Variants in CDH4 observed in about 807,000 individuals in gnomAD.
CDH4 encodes the protein cadherin 4, also known as cadherin-4.
CDH4 carries 33 observed loss-of-function variants against 86.0 expected under a neutral mutation model. The observed-to-expected ratio is 0.38, with a 90% confidence interval of 0.29 to 0.51. The LOEUF is 0.51. Among genes scored for constraint, CDH4 ranks in the 20% least tolerant of loss-of-function variants. The pLI is 0.86. For synonymous variants in CDH4, 555 were observed against 549.4 expected (o/e 1.01, Z -0.14); for missense variants, 1,114 against 1,307.4 (o/e 0.85, Z 2.28).
At chr20:61,672,151 G>A (rs1323239209) in intron 2 of CDH4, among the ~76,000 whole-genome samples, 1 of 151,738 alleles carries the variant, frequency 6.6e-6, no homozygotes, top group African/African-American at 2.4e-5. Flanking sequence ...TCATATGGGT[G>A]GATGGGTTGA....
intron 2 of CDH4, among the ~76,000 whole-genome samples, chr20:61,725,263 C>T (rs893981896): frequency 6.6e-6 from 1 of 152,208 alleles, no homozygotes; most frequent in Non-Finnish European, 1.5e-5. Flanking sequence ...CACACCGCAG[C>T]GTAGGAAGGG....
At chr20:61,258,960 A>T (rs2084115492) in intron 2 of CDH4, among the ~76,000 whole-genome samples, 1 of 152,218 alleles carries the variant, frequency 6.6e-6, no homozygotes, top group South Asian at 2.1e-4. Context: ...GGGGTGGAGC[A>T]CTGGGAATGC....
At chr20:61,636,085 C>A (rs766446512) in intron 2 of CDH4, among the ~76,000 whole-genome samples, 2 of 152,204 alleles carry the variant, frequency 1.3e-5, no homozygotes, top group Non-Finnish European at 2.9e-5. Flanking sequence ...GCGTGGGGGT[C>A]CACCGTGGGT....
At chr20:61,381,365 T>A (rs2084899962) in intron 2 of CDH4, among the ~76,000 whole-genome samples, 1 of 152,348 alleles carries the variant, frequency 6.6e-6, no homozygotes, top group South Asian at 2.1e-4. Context: ...CAGAAAATCA[T>A]AGACAGCTGT....
At chr20:61,495,141 G>A (rs956619411) in intron 2 of CDH4, among the ~76,000 whole-genome samples, 16 of 152,248 alleles carry the variant, frequency 1.1e-4, no homozygotes, top group African/African-American at 3.6e-4. Flanking sequence ...GATGCTATTT[G>A]TTGAGGTATG....
intron 7 of CDH4, among the ~76,000 whole-genome samples, chr20:61,882,070 G>A (rs1049627837): frequency 3.3e-5 from 5 of 152,194 alleles, no homozygotes; most frequent in South Asian, 2.1e-4. Flanking sequence ...GGATGGAGCC[G>A]GACCCTGCCC....
At chr20:61,756,002 G>A (rs1030357878) in intron 3 of CDH4, among the ~76,000 whole-genome samples, 3 of 152,174 alleles carry the variant, frequency 2.0e-5, no homozygotes, top group Non-Finnish European at 4.4e-5. Flanking sequence ...TGTTCACCAC[G>A]CCCAGCCCGT....
At position 61,424,614 on chromosome 20, in the gene CDH4, C is replaced by T. The variant is rs1409478809; in HGVS notation, c.169+169677C>T. On this transcript the variant is annotated intron_variant, in intron 2 of 15. Coordinates refer to ENST00000614565, the MANE Select transcript of CDH4 (RefSeq NM_001794.5). ...TCTCCTCCTGGGTCTCTATAGAGGC[C>T]ACTCCTAGGCCAGGGATGTCCCCTG... Among the ~76,000 whole-genome samples the T allele has an allele frequency of 2.0e-5, 3 of 152,212 alleles. No individual in the cohort carries two copies. In the East Asian group the frequency reaches 5.8e-4, roughly 29 times the overall value.
intron 11 of CDH4, among the ~76,000 whole-genome samples, chr20:61,925,765 C>T (rs1189925901): frequency 6.6e-6 from 1 of 152,210 alleles, no homozygotes; most frequent in African/African-American, 2.4e-5. Flanking sequence ...CTGGGGCATC[C>T]TGACTGTGCC....
intron 4 of CDH4, among the ~76,000 whole-genome samples, chr20:61,802,809 C>G (rs1979901503): frequency 1.3e-5 from 2 of 152,206 alleles, no homozygotes; most frequent in African/African-American, 4.8e-5. Context: ...CACCACGGGG[C>G]CCTGTCTGTG....
chr20:61,819,700 C>G (rs1287873249), intron 4 of CDH4, among the ~76,000 whole-genome samples: 1 of 152,232 alleles, frequency 6.6e-6, no homozygotes, highest in Non-Finnish European at 1.5e-5. Context: ...CTCTAAGCCC[C>G]CTGCCAGGCT....
rs935276581 is a variant in CDH4 at position 61,533,976 on chromosome 20, A to T, written c.170-209587A>T. On this transcript the variant is annotated intron_variant, in intron 2 of 15. Coordinates refer to ENST00000614565, the MANE Select transcript of CDH4 (RefSeq NM_001794.5). Reference sequence around the variant, plus strand: ...GCCATTGCTTTTGCTTTCAGACAGGAATCCCCACCTCCTGTTTAGAGAGAT... The same window carrying T: ...GCCATTGCTTTTGCTTTCAGACAGGTATCCCCACCTCCTGTTTAGAGAGAT... Among the ~76,000 whole-genome samples, 5 of 147,840 alleles carry T rather than the reference A, an allele frequency of 3.4e-5. No homozygotes were observed. In the Admixed American group the frequency reaches 3.4e-4, roughly 10 times the overall value.
Position 61,939,605 on chromosome 20 carries a change from C to A in CDH4, c.*2662C>A, listed in dbSNP as rs1473819130. 1.3e-5 allele frequency: 2 copies of A among 152,322 alleles called. No individual in the cohort carries two copies. Among genetic ancestry groups the A allele is most frequent in the Non-Finnish European group, 2.9e-5 (2 of 68,070 alleles). The allele number at this position is 152,322 out of a possible 1,614,324, so 9.4% of individuals were successfully genotyped here. ...CTTGAGTTAGCGTTAGCTAAGCATA[C>A]AATCAGTGTCGAACGTCTCTCTTCC... On this transcript the variant is annotated 3_prime_UTR_variant, in exon 16 of 16. Coordinates refer to ENST00000614565, the MANE Select transcript of CDH4 (RefSeq NM_001794.5).
intron 2 of CDH4, among the ~76,000 whole-genome samples, chr20:61,301,720 G>A (rs899767618): frequency 6.6e-6 from 1 of 152,180 alleles, no homozygotes; most frequent in African/African-American, 2.4e-5. Context: ...TCAGGCAGTG[G>A]GGAGACAGGA....
chr20:61,477,629 G>A (rs1046390591), intron 2 of CDH4, among the ~76,000 whole-genome samples: 14 of 152,184 alleles, frequency 9.2e-5, no homozygotes, highest in Admixed American at 6.5e-4. Flanking sequence ...TGCATCCTGC[G>A]GTTGACACAC....
intron 2 of CDH4, among the ~76,000 whole-genome samples, chr20:61,481,471 T>C (rs1326281011): frequency 6.6e-6 from 1 of 152,232 alleles, no homozygotes; most frequent in Non-Finnish European, 1.5e-5. Context: ...AGGCTTTATT[T>C]CTGTTGTCAA....
chr20:61,739,755 G>T (rs1366795701), intron 2 of CDH4, among the ~76,000 whole-genome samples: 1 of 152,254 alleles, frequency 6.6e-6, no homozygotes, highest in Non-Finnish European at 1.5e-5. Context: ...CAGAGCCAAG[G>T]TTCAGGCAGA....
intron 2 of CDH4, among the ~76,000 whole-genome samples, chr20:61,698,130 G>A (rs945286844): frequency 6.6e-6 from 1 of 152,202 alleles, no homozygotes; most frequent in South Asian, 2.1e-4. Context: ...GACCTGGCAC[G>A]TGTCGTCCAC....
intron 2 of CDH4, among the ~76,000 whole-genome samples, chr20:61,382,933 G>T (rs1465792667): frequency 1.3e-5 from 2 of 151,174 alleles, no homozygotes; most frequent in African/African-American, 4.9e-5. Context: ...ATATAGACAT[G>T]TTTTTTTGCA....
Sources: gnomAD v4.1 joint callset for allele counts (sites outside exome capture counted in the v4.1 genomes callset) on GRCh38, gnomAD v4.1.1 for gene constraint, MANE v1.5 for transcripts, NCBI Gene and HGNC (gene_info 2026-07-23, HGNC 2026-07-21) for gene names.